Variants in CTNND2 observed in about 807,000 individuals in gnomAD.
The protein encoded by CTNND2 is catenin delta 2.
Under a neutral mutation model 144.4 loss-of-function variants are expected in CTNND2, and 22 were observed. That is an observed-to-expected ratio of 0.15 (90% confidence interval 0.11 to 0.22). The LOEUF (loss-of-function observed/expected upper bound fraction) is 0.22. CTNND2 is among the 10% of genes least tolerant of loss of function. The probability of loss-of-function intolerance (pLI) is 1.00; values close to 1 mark genes in which losing one functional copy is unlikely to be tolerated. For synonymous variants in CTNND2, 751 were observed against 695.6 expected, an observed-to-expected ratio of 1.08 and a Z score of -1.25; for missense variants, 1,353 against 1,618.8, an observed-to-expected ratio of 0.84 and a Z score of 2.82.
At chr5:11,538,583 T>C (rs115755260) in intron 3 of CTNND2, among the ~76,000 whole-genome samples, 2,435 of 152,310 alleles carry the variant, frequency 0.016, 67 homozygotes, top group African/African-American at 0.056. Context: ...ACTCTCTAGA[T>C]GCCCAGAAAC....
At chr5:11,880,383 T>C (rs559827415) in intron 1 of CTNND2, among the ~76,000 whole-genome samples, 1 of 151,908 alleles carries the variant, frequency 6.6e-6, no homozygotes, top group East Asian at 1.9e-4. Flanking sequence ...GCATTTAAGA[T>C]GGTAATTTTA....
At chr5:11,370,305 G>A (rs1233932688) in intron 7 of CTNND2, among the ~76,000 whole-genome samples, 1 of 151,708 alleles carries the variant, frequency 6.6e-6, no homozygotes, top group African/African-American at 2.4e-5. Flanking sequence ...ACCCCCAAGA[G>A]ATTCTGATTA....
intron 11 of CTNND2, among the ~76,000 whole-genome samples, chr5:11,198,884 C>T (rs367616922): frequency 3.7e-4 from 57 of 152,262 alleles, no homozygotes; most frequent in Non-Finnish European, 6.6e-4. Context: ...GAAACCTTCA[C>T]GACTATGGTG....
intron 15 of CTNND2, among the ~76,000 whole-genome samples, chr5:11,097,473 G>A (rs1011287474): frequency 1.3e-5 from 2 of 152,142 alleles, no homozygotes; most frequent in Admixed American, 6.5e-5. Context: ...ATGGGGCAGC[G>A]GCTAGCTCTG....
intron 2 of CTNND2, among the ~76,000 whole-genome samples, chr5:11,721,428 G>A (rs187748697): frequency 6.6e-6 from 1 of 152,058 alleles, no homozygotes; most frequent in Non-Finnish European, 1.5e-5. Context: ...TAGAAGTAGA[G>A]AAAATGGTCT....
chr5:11,310,736 A>G (rs1043140428), intron 9 of CTNND2, among the ~76,000 whole-genome samples: 2 of 151,516 alleles, frequency 1.3e-5, no homozygotes, highest in Non-Finnish European at 2.9e-5. Context: ...ATTCACCCTC[A>G]CACACTCCCC....
intron 6 of CTNND2, among the ~76,000 whole-genome samples, chr5:11,391,658 T>C (rs1352758663): frequency 1.3e-5 from 2 of 152,196 alleles, no homozygotes; most frequent in African/African-American, 4.8e-5. Context: ...TTTGATTTTG[T>C]CAATAACTAA....
At chr5:11,649,436 G>C (rs938555029) in intron 2 of CTNND2, among the ~76,000 whole-genome samples, 5 of 152,108 alleles carry the variant, frequency 3.3e-5, no homozygotes, top group Admixed American at 2.0e-4. Flanking sequence ...TCCTGCCTCA[G>C]CCTCCAGAGT....
At chr5:11,893,975 G>T (rs986873940) in intron 1 of CTNND2, among the ~76,000 whole-genome samples, 4 of 152,124 alleles carry the variant, frequency 2.6e-5, no homozygotes, top group Non-Finnish European at 5.9e-5. Context: ...TGTTTAACTT[G>T]ACTTCTTTAC....
chr5:11,493,869 T>C (rs1180918159), intron 3 of CTNND2, among the ~76,000 whole-genome samples: 1 of 152,146 alleles, frequency 6.6e-6, no homozygotes, highest in African/African-American at 2.4e-5. Flanking sequence ...ATTTTCAACA[T>C]AGGAAAAAGG....
rs1738332441 is a variant in CTNND2, at chr5:10,988,770, A to G, written c.3212-528T>C. Among the ~76,000 whole-genome samples the G allele has an allele frequency of 6.6e-6, 1 of 152,016 alleles. No individual in the cohort carries two copies. The highest frequency in any genetic ancestry group is 1.5e-5 in the Non-Finnish European group (1 of 67,966). ...AGTCAGAGGAAACAGCTCTCTACAC[A>G]GGATGATTTGTGGGGCAAAAATAAC... On this transcript the variant is annotated intron_variant, in intron 19 of 21. Coordinates refer to ENST00000304623, the MANE Select transcript of CTNND2 (RefSeq NM_001332.4). This position sits in a 1 kb window ranked among gnomAD's most constrained non-coding sequence, Gnocchi z 5.9.
At chr5:11,779,943 C>T (rs2126845164) in intron 1 of CTNND2, among the ~76,000 whole-genome samples, 1 of 152,260 alleles carries the variant, frequency 6.6e-6, no homozygotes, top group South Asian at 2.1e-4. Flanking sequence ...TGCAACTGCC[C>T]TCTCTCTTCT....
At chr5:11,336,239 T>C (rs1753708326) in intron 9 of CTNND2, among the ~76,000 whole-genome samples, 1 of 152,228 alleles carries the variant, frequency 6.6e-6, no homozygotes, top group Non-Finnish European at 1.5e-5. Flanking sequence ...TGTCCAATTC[T>C]TTGTTCAACA....
intron 1 of CTNND2, among the ~76,000 whole-genome samples, chr5:11,848,460 T>C (rs1053068219): frequency 6.6e-6 from 1 of 152,138 alleles, no homozygotes; most frequent in Non-Finnish European, 1.5e-5. Flanking sequence ...CATGGGAAAA[T>C]TAATTACTAC....
intron 10 of CTNND2, 22 bp downstream of exon 10, chr5:11,236,669 T>G: frequency 1.9e-6 from 3 of 1,613,144 alleles, no homozygotes; most frequent in Non-Finnish European, 2.5e-6. Context: ...ACCAATCATT[T>G]CAGAATCCAA....
chr5:11,174,012 T>C (rs947087636), intron 11 of CTNND2, among the ~76,000 whole-genome samples: 1 of 152,164 alleles, frequency 6.6e-6, no homozygotes, highest in African/African-American at 2.4e-5. Flanking sequence ...GAGATGGACG[T>C]GGTCAAGTCT....
intron 2 of CTNND2, among the ~76,000 whole-genome samples, chr5:11,718,214 T>A (rs929119469): frequency 6.6e-6 from 1 of 152,166 alleles, no homozygotes; most frequent in Non-Finnish European, 1.5e-5. Context: ...AAGGAAGATG[T>A]CTCAAAGGGG....
At position 11,581,267 on chromosome 5, in the gene CTNND2, A is replaced by G. The variant is rs1778407353; in HGVS notation, c.175-16211T>C. On this transcript the variant is annotated intron_variant, in intron 2 of 21. Coordinates refer to ENST00000304623, the MANE Select transcript of CTNND2 (RefSeq NM_001332.4). Reference sequence around the variant, plus strand: ...TCCCAAATTTTTATTTTTTTATCTTATATTTTTCAGCGTTTTATGTTCTTC... The same window carrying G: ...TCCCAAATTTTTATTTTTTTATCTTGTATTTTTCAGCGTTTTATGTTCTTC... Among the ~76,000 whole-genome samples the G allele has an allele frequency of 2.6e-5, 4 of 151,954 alleles. No individual in the cohort carries two copies. In the South Asian group the frequency reaches 8.3e-4, roughly 31 times the overall value.
At chr5:11,449,428 C>G (rs1765112810) in intron 3 of CTNND2, among the ~76,000 whole-genome samples, 2 of 152,166 alleles carry the variant, frequency 1.3e-5, no homozygotes. Context: ...ATTGGCTGCT[C>G]TGCTGTCCAA....
Sources: gnomAD v4.1 joint callset for allele counts (sites outside exome capture counted in the v4.1 genomes callset) on GRCh38, gnomAD v4.1.1 for gene constraint, Gnocchi (gnomAD v3.1) non-coding constraint, MANE v1.5 for transcripts, NCBI Gene and HGNC (gene_info 2026-07-23, HGNC 2026-07-21) for gene names.